The following GALNT14 variants were observed in gnomAD, a reference collection of about 807,000 sequenced individuals.
The protein encoded by GALNT14 is UDP-GalNAc:polypeptide N-acetylgalactosaminyltransferase 14.
A neutral mutation model predicts 77.5 loss-of-function variants in GALNT14; 60 were observed. The ratio of observed to expected loss-of-function variants is 0.77; its 90% CI spans 0.63 to 0.96. The LOEUF (loss-of-function observed/expected upper bound fraction) is 0.96. GALNT14 is among the 40% of genes least tolerant of loss of function. The pLI, the probability that GALNT14 is intolerant of heterozygous loss-of-function variation, is 0.00. For missense variants in GALNT14, 710 were observed against 731.0 expected (o/e 0.97, Z 0.33); for synonymous variants, 280 against 281.7 (o/e 0.99, Z 0.06).
intron 1 of GALNT14, among the ~76,000 whole-genome samples, chr2:31,025,088 T>C (rs931746636): frequency 2.6e-5 from 4 of 152,216 alleles, no homozygotes; most frequent in African/African-American, 7.2e-5. Context: ...ATTAAGACAA[T>C]AGTTATTAAG....
chr2:30,997,422 G>A (rs912075245), intron 1 of GALNT14, among the ~76,000 whole-genome samples: 1 of 152,070 alleles, frequency 6.6e-6, no homozygotes, highest in Non-Finnish European at 1.5e-5. Flanking sequence ...ACAAATATCC[G>A]GGAAAGCTTC....
chr2:30,946,567 A>G (rs2148292755), intron 6 of GALNT14, among the ~76,000 whole-genome samples: 1 of 152,264 alleles, frequency 6.6e-6, no homozygotes, highest in East Asian at 1.9e-4. Flanking sequence ...AGCTGAACAG[A>G]TGCCAGCATC....
intron 1 of GALNT14, among the ~76,000 whole-genome samples, chr2:31,033,159 C>T (rs1385586992): frequency 6.6e-6 from 1 of 152,150 alleles, no homozygotes; most frequent in Non-Finnish European, 1.5e-5. Context: ...AAGTGACTGA[C>T]AGACACCCCA....
chr2:30,892,712 G>C, the GALNT14 span, among the ~76,000 whole-genome samples: 1 of 152,156 alleles, frequency 6.6e-6, no homozygotes, highest in Admixed American at 6.5e-5. Flanking sequence ...CCATTGTGTG[G>C]GTATGGCAAC....
At chr2:30,980,209 C>A (rs1668899991) in intron 2 of GALNT14, among the ~76,000 whole-genome samples, 1 of 152,260 alleles carries the variant, frequency 6.6e-6, no homozygotes, top group South Asian at 2.1e-4. Flanking sequence ...GAGCAGGGTG[C>A]AGAGCCTGGA....
At chr2:30,931,611 G>T (rs1665732933) in intron 10 of GALNT14, among the ~76,000 whole-genome samples, 1 of 152,016 alleles carries the variant, frequency 6.6e-6, no homozygotes, top group Non-Finnish European at 1.5e-5. Context: ...CCAGGCCCTG[G>T]AGCAGGGACC....
At chr2:31,016,783 G>T (rs1024850314) in intron 1 of GALNT14, among the ~76,000 whole-genome samples, 1 of 152,122 alleles carries the variant, frequency 6.6e-6, no homozygotes, top group Non-Finnish European at 1.5e-5. Flanking sequence ...CGCCTGCCCT[G>T]TCTTGCTTCC....
chr2:31,103,182 A>AT (rs35727015), intron 1 of GALNT14, among the ~76,000 whole-genome samples: 91,921 of 151,814 alleles, frequency 0.61, 29,089 homozygotes, highest in African/African-American at 0.79. Flanking sequence ...TCTTGGCATT[A>AT]TTTTCGTCTT....
chr2:31,044,070 T>G (rs578257507), intron 1 of GALNT14, among the ~76,000 whole-genome samples: 3 of 152,308 alleles, frequency 2.0e-5, no homozygotes, highest in African/African-American at 7.2e-5. Context: ...TAGCGACATA[T>G]TTTTAGAAGA....
intron 1 of GALNT14, among the ~76,000 whole-genome samples, chr2:31,033,151 G>A (rs1366348870): frequency 1.3e-5 from 2 of 152,126 alleles, no homozygotes; most frequent in Non-Finnish European, 2.9e-5. Flanking sequence ...TCATTGAAAA[G>A]TGACTGACAG....
intron 2 of GALNT14, among the ~76,000 whole-genome samples, chr2:30,982,796 T>G (rs1327422573): frequency 1.3e-5 from 2 of 152,256 alleles, no homozygotes; most frequent in African/African-American, 2.4e-5. Flanking sequence ...CTTTTCCATA[T>G]GTATCTTATA....
chr2:31,011,165 T>G (rs13017434), intron 1 of GALNT14, among the ~76,000 whole-genome samples: 38,806 of 152,136 alleles, frequency 0.26, 5,141 homozygotes, highest in East Asian at 0.39. Flanking sequence ...TGACTTAACC[T>G]CTCTCCCTCA....
chr2:31,058,635 A>C (rs1054475712), intron 1 of GALNT14, among the ~76,000 whole-genome samples: 8 of 152,194 alleles, frequency 5.3e-5, no homozygotes. Context: ...GGCTCAGGGC[A>C]CTAGATGGTA....
At position 30,942,271 on chromosome 2, in the gene GALNT14, G is replaced by A. The variant is rs781023885; in HGVS notation, c.861C>T (p.Ile287=). The A allele has an allele frequency of 9.9e-6, 16 of 1,613,890 alleles. No homozygotes were observed. The highest frequency in any genetic ancestry group is 1.6e-4 in the Middle Eastern group (1 of 6,084). Residue 287 remains isoleucine (I), a synonymous_variant, in exon 9 of 15, where the codon ATC becomes ATT. Transcript: ENST00000349752. ...CCAGGTAATCAAACCAAGCTTTGTC[G>A]ATCACGAAGAGCCCTCCAGCTATGA... ...TPIIAGGLFV[I]DKAWFDYLGK... is the part of the protein sequence containing the mutation.
At chr2:31,021,297 T>C (rs1336707840) in intron 1 of GALNT14, among the ~76,000 whole-genome samples, 2 of 152,056 alleles carry the variant, frequency 1.3e-5, no homozygotes, top group Admixed American at 6.5e-5. Context: ...GTTTTTTCTT[T>C]TCTTTTTTTT....
At chr2:31,125,290 T>A (rs907583398) in intron 1 of GALNT14, 1 of 1,438,404 alleles carries the variant, frequency 7.0e-7, no homozygotes, top group Non-Finnish European at 9.6e-7. Context: ...AACATGGTCA[T>A]TTCTTTGGCA....
intron 1 of GALNT14, among the ~76,000 whole-genome samples, chr2:31,015,536 T>C (rs192596846): frequency 2.0e-5 from 3 of 152,232 alleles, no homozygotes; most frequent in Non-Finnish European, 4.4e-5. Flanking sequence ...CATCCTCCAA[T>C]GTACTAATGG....
intron 2 of GALNT14, among the ~76,000 whole-genome samples, chr2:30,990,953 G>A (rs1669660333): frequency 6.6e-6 from 1 of 152,172 alleles, no homozygotes; most frequent in African/African-American, 2.4e-5. Flanking sequence ...AACACACTGG[G>A]CTAGGTGCAA....
At chr2:30,956,117 T>C in intron 4 of GALNT14, 140 bp from the exon 5 acceptor site, 2 of 776,216 alleles carry the variant, frequency 2.6e-6, no homozygotes, top group Non-Finnish European at 4.4e-6. Context: ...CAGTCCTGAC[T>C]CCAGGGTGTT....
Sources: gnomAD v4.1 joint callset for allele counts (sites outside exome capture counted in the v4.1 genomes callset) on GRCh38, gnomAD v4.1.1 for gene constraint, MANE v1.5 for transcripts, NCBI Gene and HGNC (gene_info 2026-07-23, HGNC 2026-07-21) for gene names.